CERS4: variants seen among roughly 807,000 people sequenced by gnomAD.
CERS4 encodes ceramide synthase 4.
CERS4 carries 65 observed loss-of-function variants against 51.8 expected under a neutral mutation model. The ratio of observed to expected loss-of-function variants is 1.26; its 90% CI spans 1.03 to 1.54. CERS4 has a LOEUF of 1.54. CERS4 is among the 40% of genes most tolerant of loss of function. The probability of loss-of-function intolerance (pLI) is 0.00; values close to 1 mark genes in which losing one functional copy is unlikely to be tolerated. For synonymous variants in CERS4, 228 were observed against 208.4 expected, an observed-to-expected ratio of 1.09 and a Z score of -0.81; for missense variants, 563 against 500.4, an observed-to-expected ratio of 1.13 and a Z score of -1.19.
intron 2 of CERS4, among the ~76,000 whole-genome samples, chr19:8,235,293 G>A (rs189571151): frequency 7.1e-6 from 1 of 141,808 alleles, no homozygotes; most frequent in Non-Finnish European, 1.6e-5. Flanking sequence ...AGGCGTGAAC[G>A]ACCGCACCTG....
At chr19:8,219,523 T>C (rs995208716) in intron 2 of CERS4, among the ~76,000 whole-genome samples, 1 of 151,830 alleles carries the variant, frequency 6.6e-6, no homozygotes, top group Non-Finnish European at 1.5e-5. Flanking sequence ...ATTTTAAAAT[T>C]AGCTGGGTGA....
At chr19:8,225,325 A>G (rs1414713347) in intron 2 of CERS4, among the ~76,000 whole-genome samples, 2 of 152,092 alleles carry the variant, frequency 1.3e-5, no homozygotes, top group Admixed American at 6.6e-5. Context: ...CTGATGGCCA[A>G]AAGCCAAAGG....
intron 2 of CERS4, among the ~76,000 whole-genome samples, chr19:8,234,542 ATTTTTTTTTTTTTTTTTT>A (rs35971828): frequency 3.7e-5 from 2 of 54,158 alleles, no homozygotes; most frequent in Admixed American, 2.6e-4. Context: ...CCACCATTCT[ATTTTTTTTTTTTTTTTTT>A]TTTTTTTTTT....
chr19:8,213,412 A>G (rs1456960296), intron 2 of CERS4, among the ~76,000 whole-genome samples: 2 of 151,624 alleles, frequency 1.3e-5, no homozygotes, highest in Non-Finnish European at 2.9e-5. Context: ...CCTGAGCTCA[A>G]CCTCAGCCTC....
At chr19:8,236,608 C>T (rs1306870738) in intron 2 of CERS4, among the ~76,000 whole-genome samples, 5 of 148,082 alleles carry the variant, frequency 3.4e-5, no homozygotes, top group Admixed American at 6.9e-5. Context: ...AGGCCCAAGA[C>T]GCAGAGGTAG....
At position 8,256,932 on chromosome 19, in the gene CERS4, CCCA is replaced by C; in HGVS notation, c.613-14_613-12del. The C allele has an allele frequency of 6.2e-7, 1 of 1,614,090 alleles. No individual in the cohort carries two copies. The highest frequency in any genetic ancestry group is 8.5e-7 in the Non-Finnish European group (1 of 1,180,010). ...GCATCAAGCCTCGTCCCCACTATGACCCACCGTCTACTGCAGGATTTCAAGGAG... is the reference window on the plus strand; with the variant it reads ...GCATCAAGCCTCGTCCCCACTATGACCCGTCTACTGCAGGATTTCAAGGAG... On this transcript the variant is annotated splice_polypyrimidine_tract_variant and intron_variant, in intron 8 of 11. Coordinates refer to ENST00000251363, the MANE Select transcript of CERS4 (RefSeq NM_024552.3).
In CERS4 at chr19:8,251,210, T is replaced by G. The variant is rs1356715775; in HGVS notation, c.134T>G (p.Leu45Arg). 1.2e-6 allele frequency: 2 copies of G among 1,611,896 alleles called. No individual in the cohort carries two copies. The highest frequency in any genetic ancestry group is 1.7e-6 in the Non-Finnish European group (2 of 1,179,180). ...CAGGACTTGTTGGCAGCCCTGCCCCTGGCGCTGGTCCTCCTGGCCATGCGC... is the reference window on the plus strand; with the variant it reads ...CAGGACTTGTTGGCAGCCCTGCCCCGGGCGCTGGTCCTCCTGGCCATGCGC... Reference protein sequence around the residue: ...HPQDLLAALPLALVLLAMRLA... With the variant: ...HPQDLLAALPRALVLLAMRLA... The change falls in exon 3 of 12, where the codon CTG becomes CGG. Residue 45 changes from leucine to arginine, a missense_variant. By Grantham distance (102) the Leu-to-Arg change is moderately radical (BLOSUM62 -2). Coordinates refer to ENST00000251363, the MANE Select transcript of CERS4 (RefSeq NM_024552.3).
intron 2 of CERS4, among the ~76,000 whole-genome samples, chr19:8,245,099 G>A (rs1443186836): frequency 7.4e-4 from 4 of 5,430 alleles, no homozygotes; most frequent in Non-Finnish European, 1.7e-3. Context: ...GCGACCGAGC[G>A]AGACTCCATC....
intron 2 of CERS4, among the ~76,000 whole-genome samples, chr19:8,249,276 G>A (rs1054064739): frequency 1.3e-5 from 2 of 152,120 alleles, no homozygotes. Flanking sequence ...TCGGTAGATA[G>A]ATGGACAGGG....
chr19:8,233,089 C>G (rs1174449704), intron 2 of CERS4, among the ~76,000 whole-genome samples: 2 of 151,624 alleles, frequency 1.3e-5, no homozygotes, highest in African/African-American at 4.8e-5. Context: ...TCTATGTTGT[C>G]CAGCCTGGTC....
intron 2 of CERS4, among the ~76,000 whole-genome samples, chr19:8,245,582 C>T (rs1377249434): frequency 6.6e-6 from 1 of 151,792 alleles, no homozygotes; most frequent in East Asian, 1.9e-4. Context: ...CTCTCTCACC[C>T]AGGCTGGAGT....
chr19:8,254,322 CAAAAA>C (rs74176633), intron 3 of CERS4, among the ~76,000 whole-genome samples, 172 bp from the exon 4 acceptor site: 16 of 38,782 alleles, frequency 4.1e-4, no homozygotes, highest in East Asian at 3.7e-3. Flanking sequence ...TACTCTGTCT[CAAAAA>C]AAAAAAAAAA....
rs1479373433 is a variant in CERS4, at chr19:8,234,540, C to CTTT, written c.-1-16535_-1-16534insTTT. Among the ~76,000 whole-genome samples the CTTT allele has an allele frequency of 7.8e-5, 8 of 102,230 alleles. No homozygotes were observed. In the East Asian group the frequency reaches 1.7e-3, roughly 21 times the overall value. The allele number at this position is 102,230 out of a possible 152,430, so 67.1% of individuals were successfully genotyped here. A position where few individuals can be genotyped will look rare whatever the true frequency, so the allele number is the denominator to read the frequency against. ...TTCCCTTCCCCTGGCACCCACCATT[C>CTTT]TATTTTTTTTTTTTTTTTTTTTTTT... On this transcript the variant is annotated intron_variant, in intron 2 of 11. Coordinates refer to ENST00000251363, the MANE Select transcript of CERS4 (RefSeq NM_024552.3).
chr19:8,236,064 C>T (rs1432172153), intron 2 of CERS4, among the ~76,000 whole-genome samples: 1 of 152,038 alleles, frequency 6.6e-6, no homozygotes, highest in Non-Finnish European at 1.5e-5. Flanking sequence ...GGCATGGTGG[C>T]GGGCACCTGT....
chr19:8,233,037 C>T (rs1968084480), intron 2 of CERS4, among the ~76,000 whole-genome samples: 1 of 151,472 alleles, frequency 6.6e-6, no homozygotes, highest in South Asian at 2.1e-4. Flanking sequence ...TGCAGCCAGC[C>T]TGAATCTTTT....
At chr19:8,230,245 CGATCTCA>C (rs890813950) in intron 2 of CERS4, among the ~76,000 whole-genome samples, 4 of 151,064 alleles carry the variant, frequency 2.6e-5, no homozygotes, top group Non-Finnish European at 4.4e-5. Flanking sequence ...CACAGTGGTG[CGATCTCA>C]GATCTCGGCT....
chr19:8,253,339 A>G (rs1422125355), intron 3 of CERS4, among the ~76,000 whole-genome samples: 2 of 151,996 alleles, frequency 1.3e-5, no homozygotes, highest in Non-Finnish European at 2.9e-5. Context: ...GGCCACAGTG[A>G]GACAGGCAGT....
chr19:8,221,266 G>A (rs1460349079), intron 2 of CERS4, among the ~76,000 whole-genome samples: 1 of 151,984 alleles, frequency 6.6e-6, no homozygotes, highest in Non-Finnish European at 1.5e-5. Flanking sequence ...ACTGTACCTG[G>A]TTCTGCTGCT....
At chr19:8,216,117 A>C (rs1224732596) in intron 2 of CERS4, among the ~76,000 whole-genome samples, 1 of 152,016 alleles carries the variant, frequency 6.6e-6, no homozygotes, top group East Asian at 1.9e-4. Flanking sequence ...CGTGGCTCAC[A>C]CCTGTAATCC....
Sources: gnomAD v4.1 joint callset for allele counts (sites outside exome capture counted in the v4.1 genomes callset) on GRCh38, gnomAD v4.1.1 for gene constraint, MANE v1.5 for transcripts, NCBI Gene and HGNC (gene_info 2026-07-23, HGNC 2026-07-21) for gene names.